PDE1A: variants seen among roughly 807,000 people sequenced by gnomAD.
PDE1A encodes the protein phosphodiesterase 1A.
In PDE1A, 35 loss-of-function variants were observed where a neutral mutation model predicts 61.7. The ratio of observed to expected loss-of-function variants is 0.57; its 90% CI spans 0.43 to 0.75. PDE1A has a LOEUF of 0.75. Among genes scored for constraint, PDE1A ranks in the 30% least tolerant of loss-of-function variants. The probability of loss-of-function intolerance (pLI) is 0.00; values close to 1 mark genes in which losing one functional copy is unlikely to be tolerated. For missense variants in PDE1A, 597 were observed against 630.6 expected, an observed-to-expected ratio of 0.95 and a Z score of 0.57; for synonymous variants, 232 against 213.2, an observed-to-expected ratio of 1.09 and a Z score of -0.77.
chr2:182,494,022 G>T (rs1230797345), intron 2 of PDE1A, among the ~76,000 whole-genome samples: 2 of 152,192 alleles, frequency 1.3e-5, no homozygotes, highest in Admixed American at 6.5e-5. Flanking sequence ...TATAAACAGA[G>T]AATGATAATG....
At chr2:182,509,584 T>C (rs948754745) in intron 2 of PDE1A, among the ~76,000 whole-genome samples, 1 of 152,188 alleles carries the variant, frequency 6.6e-6, no homozygotes, top group Admixed American at 6.5e-5. Flanking sequence ...AGTGGCCAAG[T>C]GGTTTAATAT....
At chr2:182,525,886 TA>T (rs1337793453), upstream of PDE1A, among the ~76,000 whole-genome samples, 1 of 152,020 alleles carries the variant, frequency 6.6e-6, no homozygotes, top group Non-Finnish European at 1.5e-5. Flanking sequence ...AAATACTCGT[TA>T]AAAATAATTA....
chr2:182,187,935 C>T (rs993998419), intron 11 of PDE1A, among the ~76,000 whole-genome samples: 19 of 151,454 alleles, frequency 1.3e-4, no homozygotes, highest in African/African-American at 3.9e-4. Flanking sequence ...TTAGTAGAGA[C>T]GGGTTTCACC....
At chr2:182,466,250 T>C (rs1448292492) in intron 2 of PDE1A, among the ~76,000 whole-genome samples, 1 of 152,070 alleles carries the variant, frequency 6.6e-6, no homozygotes, top group Non-Finnish European at 1.5e-5. Context: ...GAGTTTATCT[T>C]TCCCAGACCA....
At chr2:182,618,563 T>C in the PDE1A span, among the ~76,000 whole-genome samples, 1 of 129,324 alleles carries the variant, frequency 7.7e-6, no homozygotes, top group African/African-American at 2.5e-5. Flanking sequence ...GCTTTGATTC[T>C]GCTTGCAAAA....
At chr2:182,333,708 A>C (rs1697582367) in intron 1 of PDE1A, among the ~76,000 whole-genome samples, 1 of 152,204 alleles carries the variant, frequency 6.6e-6, no homozygotes, top group Non-Finnish European at 1.5e-5. Context: ...AAGCTAGCAG[A>C]AGACAAGAAA....
At chr2:182,552,947 C>T in the PDE1A span, among the ~76,000 whole-genome samples, 1 of 152,202 alleles carries the variant, frequency 6.6e-6, no homozygotes, top group Non-Finnish European at 1.5e-5. Flanking sequence ...CTGCTGACTC[C>T]CATCCCTCCA....
chr2:182,522,265 AG>A, intron 2 of PDE1A: 1 of 1,606,620 alleles, frequency 6.2e-7, no homozygotes, highest in South Asian at 1.1e-5. Context: ...AAAAGCAAAG[AG>A]CATACTCACA....
chr2:182,552,371 G>A, the PDE1A span, among the ~76,000 whole-genome samples: 2 of 151,652 alleles, frequency 1.3e-5, no homozygotes, highest in African/African-American at 4.8e-5. Context: ...ATCCAACAGG[G>A]AATTGTGAGC....
chr2:182,596,789 G>C, the PDE1A span, among the ~76,000 whole-genome samples: 1 of 152,164 alleles, frequency 6.6e-6, no homozygotes, highest in East Asian at 1.9e-4. Flanking sequence ...GAAAGCTGTA[G>C]AGTAACCAGA....
the PDE1A span, among the ~76,000 whole-genome samples, chr2:182,550,266 T>A: frequency 6.6e-6 from 1 of 152,226 alleles, no homozygotes; most frequent in African/African-American, 2.4e-5. Context: ...AGGTGTTAAA[T>A]ACCATGAAAT....
the PDE1A span, among the ~76,000 whole-genome samples, chr2:182,577,041 T>G: frequency 6.6e-6 from 1 of 152,356 alleles, no homozygotes; most frequent in South Asian, 2.1e-4. Flanking sequence ...TTGCTTTCTC[T>G]ATTGATTGTA....
the PDE1A span, among the ~76,000 whole-genome samples, chr2:182,609,923 A>T: frequency 6.6e-6 from 1 of 152,120 alleles, no homozygotes; most frequent in African/African-American, 2.4e-5. Context: ...CCCCATTTCT[A>T]CTGAAAATAC....
At chr2:182,233,578 C>T (rs1057059326) in intron 4 of PDE1A, among the ~76,000 whole-genome samples, 1 of 152,002 alleles carries the variant, frequency 6.6e-6, no homozygotes, top group African/African-American at 2.4e-5. Context: ...AAAAGGAGTA[C>T]AATAAGTCAG....
the PDE1A span, among the ~76,000 whole-genome samples, chr2:182,555,063 C>G: frequency 6.6e-6 from 1 of 152,164 alleles, no homozygotes; most frequent in Non-Finnish European, 1.5e-5. Flanking sequence ...GAGATGTGAA[C>G]AAACGTAATC....
chr2:182,376,160 A>C (rs1700391468), intron 1 of PDE1A, among the ~76,000 whole-genome samples: 1 of 152,230 alleles, frequency 6.6e-6, no homozygotes, highest in African/African-American at 2.4e-5. Context: ...TTACTTATGC[A>C]AATATCTGCA....
intron 3 of PDE1A, 68 bp downstream of exon 3, chr2:182,240,042 T>C: frequency 7.1e-7 from 1 of 1,412,048 alleles, no homozygotes; most frequent in African/African-American, 1.4e-5. Context: ...GCTCATACCC[T>C]TGAAAAAATG....
the PDE1A span, among the ~76,000 whole-genome samples, chr2:182,572,646 G>A: frequency 4.6e-5 from 7 of 152,084 alleles, no homozygotes; most frequent in East Asian, 3.9e-4. Context: ...TGAGGCGGGC[G>A]GATCACGAGG....
At position 182,398,393 on chromosome 2, in the gene PDE1A, G is replaced by A. The variant is rs532749939; in HGVS notation, c.53+28185C>T. ...ACATTGTCATAGATGTGAATATAGGGTTACTAAATATATTTTAAATTCATT... is the reference window on the plus strand; with the variant it reads ...ACATTGTCATAGATGTGAATATAGGATTACTAAATATATTTTAAATTCATT... On this transcript the variant is annotated intron_variant, in intron 1 of 13. Transcript: ENST00000351439. 4.6e-5 allele frequency among the ~76,000 whole-genome samples: 7 copies of A among 151,912 alleles called. No individual in the cohort carries two copies. In the South Asian group the frequency reaches 1.2e-3, roughly 27 times the overall value.
Sources: allele counts gnomAD v4.1 joint callset (sites outside exome capture counted in the v4.1 genomes callset), GRCh38; gene constraint gnomAD v4.1.1; transcripts MANE v1.5; gene names NCBI Gene and HGNC (gene_info 2026-07-23, HGNC 2026-07-21).